Variants in SLBP observed in about 807,000 individuals in gnomAD.
SLBP encodes histone RNA hairpin-binding protein.
SLBP carries 29 observed loss-of-function variants against 39.2 expected under a neutral mutation model. That is an observed-to-expected ratio of 0.74 (90% confidence interval 0.55 to 1.01). The LOEUF (loss-of-function observed/expected upper bound fraction) is 1.01, where lower values mean the gene tolerates loss of function less well. Among genes scored for constraint, SLBP ranks in the 50% least tolerant of loss-of-function variants. The probability of loss-of-function intolerance (pLI) is 0.00; values close to 1 mark genes in which losing one functional copy is unlikely to be tolerated. For synonymous variants in SLBP, 129 were observed against 118.7 expected (o/e 1.09, Z -0.57); for missense variants, 390 against 350.2 (o/e 1.11, Z -0.91).
intron 2 of SLBP, among the ~76,000 whole-genome samples, chr4:1,709,747 G>T (rs914042594): frequency 1.3e-5 from 2 of 152,124 alleles, no homozygotes; most frequent in African/African-American, 4.8e-5. Flanking sequence ...GAGTAGCTGG[G>T]ACTACAGGCG....
At chr4:1,702,587 T>C (rs1467688998) in intron 3 of SLBP, among the ~76,000 whole-genome samples, 1 of 152,222 alleles carries the variant, frequency 6.6e-6, no homozygotes, top group Non-Finnish European at 1.5e-5. Flanking sequence ...TTAACTGGGT[T>C]TGAATAAACC....
rs183657155 is a variant in SLBP, at chr4:1,708,462, T to C, written c.176+3412A>G. Among the ~76,000 whole-genome samples the C allele has an allele frequency of 2.6e-5, 4 of 152,318 alleles. No homozygotes were observed. In the East Asian group the frequency reaches 7.7e-4, roughly 29 times the overall value. On this transcript the variant is annotated intron_variant, in intron 2 of 7. Coordinates refer to ENST00000489418, the MANE Select transcript of SLBP (RefSeq NM_006527.4). Reference sequence around the variant, plus strand: ...TCCAGATTCTAAAAATGGTAGAAAGTTATGAAATCAAATTAGGTAATTAAC... The same window carrying C: ...TCCAGATTCTAAAAATGGTAGAAAGCTATGAAATCAAATTAGGTAATTAAC...
chr4:1,693,597 T>TGAGCTAAC lies in SLBP; in HGVS notation c.812_813insGTTAGCTC (p.Ter271=). On this transcript the variant is annotated frameshift_variant and stop_retained_variant, in exon 8 of 8. Coordinates refer to ENST00000489418, the MANE Select transcript of SLBP (RefSeq NM_006527.4). LOFTEE classifies it high-confidence loss of function. ...TCTCTTCCTGGCCGCCAGGGGGCAG[T>TGAGCTAAC]TAGCTCATGGCTGAGAAGTCTCTCA... 6.3e-7 allele frequency: 1 copy of TGAGCTAAC among 1,598,372 alleles called. No homozygotes were observed. Among genetic ancestry groups the TGAGCTAAC allele is most frequent in the Non-Finnish European group, 8.6e-7 (1 of 1,165,708 alleles).
Position 1,705,834 on chromosome 4 carries a change from T to C in SLBP, c.177-2134A>G, listed in dbSNP as rs1716497008. 1.3e-5 allele frequency among the ~76,000 whole-genome samples: 2 copies of C among 152,086 alleles called. 1 individual carries two copies. Among genetic ancestry groups the C allele is most frequent in the South Asian group, 4.1e-4 (2 of 4,830 alleles). On this transcript the variant is annotated intron_variant, in intron 2 of 7. Coordinates refer to ENST00000489418, the MANE Select transcript of SLBP (RefSeq NM_006527.4). ...GTTGGAACGTCATCTCCAAAATAAATAAATACCCAAGCATGGTGGGGCGTG... is the reference window on the plus strand; with the variant it reads ...GTTGGAACGTCATCTCCAAAATAAACAAATACCCAAGCATGGTGGGGCGTG...
At chr4:1,711,821 C>G in intron 2 of SLBP, 53 bp downstream of exon 2, 1 of 992,358 alleles carries the variant, frequency 1.0e-6, no homozygotes, top group Non-Finnish European at 1.3e-6. Flanking sequence ...CCCTGGAGCC[C>G]GCGGCCTCGT....
At chr4:1,703,949 C>A (rs1404797134) in intron 2 of SLBP, among the ~76,000 whole-genome samples, 1 of 152,108 alleles carries the variant, frequency 6.6e-6, no homozygotes, top group Non-Finnish European at 1.5e-5. Flanking sequence ...CTATGTGTAT[C>A]AAACCATACT....
chr4:1,711,176 TCCCATCCCCAA>T (rs1716753697), intron 2 of SLBP, among the ~76,000 whole-genome samples: 1 of 146,332 alleles, frequency 6.8e-6, no homozygotes, highest in East Asian at 2.0e-4. Flanking sequence ...CTTTCACGCC[TCCCATCCCCAA>T]CCCATCAGCA....
rs756101521 is a variant in SLBP, at chr4:1,703,611, T to C, written c.266A>G (p.Asn89Ser). 8 of 1,610,856 alleles carry C rather than the reference T, an allele frequency of 5.0e-6. No individual in the cohort carries two copies. The Admixed American group carries it at 8.3e-5, about 17-fold the overall frequency. Residue 89 changes from asparagine to serine, a missense_variant, in exon 3 of 8, where the codon AAC becomes AGC. By Grantham distance (46) the Asn-to-Ser change is conservative (BLOSUM62 1). Coordinates refer to ENST00000489418, the MANE Select transcript of SLBP (RefSeq NM_006527.4). ...AAATGTGTACCTTGCCATTTCTTTGTTAACTCTGGTCCTCATTTCATCTTC... is the reference window on the plus strand; with the variant it reads ...AAATGTGTACCTTGCCATTTCTTTGCTAACTCTGGTCCTCATTTCATCTTC... ...VEEDEMRTRV[N>S]KEMARYKRKL...
intron 3 of SLBP, among the ~76,000 whole-genome samples, chr4:1,701,150 T>TTC (rs1553819364): frequency 6.8e-6 from 1 of 147,258 alleles, no homozygotes; most frequent in East Asian, 2.0e-4. Context: ...TTTTTTCTTT[T>TTC]TTTTTTTTTT....
chr4:1,712,259 G>C lies in SLBP; in HGVS notation c.-71C>G. 2 of 984,930 alleles carry C rather than the reference G, an allele frequency of 2.0e-6. No homozygotes were observed. The highest frequency in any genetic ancestry group is 2.7e-6 in the Non-Finnish European group (2 of 739,280). 61.0% of individuals were successfully genotyped at this position (984,930 alleles called of 1,614,324 possible). A position where few individuals can be genotyped will look rare whatever the true frequency, so the allele number is the denominator to read the frequency against. Reference sequence around the variant, plus strand: ...CGGCGGCGCGGGCAGAGAGCGCAGAGTAGAGCAGGGCAGGGCCTGAGGCAG... The same window carrying C: ...CGGCGGCGCGGGCAGAGAGCGCAGACTAGAGCAGGGCAGGGCCTGAGGCAG... On this transcript the variant is annotated 5_prime_UTR_variant, in exon 1 of 8. Coordinates refer to ENST00000489418, the MANE Select transcript of SLBP (RefSeq NM_006527.4).
chr4:1,703,532 T>C (rs916724864), intron 3 of SLBP, 64 bp downstream of exon 3: 3 of 1,014,388 alleles, frequency 3.0e-6, no homozygotes, highest in South Asian at 1.3e-5. Flanking sequence ...AAGACAAATA[T>C]CAAATTTAAT....
chr4:1,706,316 C>T (rs1716514144), intron 2 of SLBP, among the ~76,000 whole-genome samples: 1 of 152,080 alleles, frequency 6.6e-6, no homozygotes, highest in Admixed American at 6.6e-5. Flanking sequence ...CTAGCATATC[C>T]ATTTACCTTT....
At chr4:1,694,408 T>C (rs1716030286) in intron 7 of SLBP, among the ~76,000 whole-genome samples, 1 of 148,366 alleles carries the variant, frequency 6.7e-6, no homozygotes, top group Non-Finnish European at 1.5e-5. Flanking sequence ...TTTTTTTTTT[T>C]TGAGACAGAG....
intron 2 of SLBP, among the ~76,000 whole-genome samples, chr4:1,711,133 G>C (rs987814902): frequency 6.8e-6 from 1 of 148,098 alleles, no homozygotes; most frequent in Admixed American, 6.8e-5. Context: ...TTTCCTTTTG[G>C]CACAGTGAAG....
intron 2 of SLBP, among the ~76,000 whole-genome samples, chr4:1,704,972 G>A (rs1716465981): frequency 6.6e-6 from 1 of 150,938 alleles, no homozygotes; most frequent in African/African-American, 2.4e-5. Flanking sequence ...TTGTTGCCAA[G>A]ACTGCAGTGC....
At chr4:1,704,674 A>G (rs753483915) in intron 2 of SLBP, among the ~76,000 whole-genome samples, 2 of 152,088 alleles carry the variant, frequency 1.3e-5, no homozygotes, top group Non-Finnish European at 2.9e-5. Flanking sequence ...TCGCTGTCAT[A>G]CTGAGAAGGC....
At chr4:1,702,882 T>C (rs1048687952) in intron 3 of SLBP, among the ~76,000 whole-genome samples, 2 of 152,134 alleles carry the variant, frequency 1.3e-5, no homozygotes, top group East Asian at 1.9e-4. Context: ...GAGAGAGCAC[T>C]CCATCTACTG....
In SLBP at chr4:1,699,664, C is replaced by T. The variant is rs771165121; in HGVS notation, c.379G>A (p.Asp127Asn). The T allele has an allele frequency of 2.5e-6, 4 of 1,613,700 alleles. No homozygotes were observed. In the African/African-American group the frequency reaches 5.3e-5, roughly 22 times the overall value. ...SKESMSTVPADFETDESVLMR... is the reference protein window; with the variant it reads ...SKESMSTVPANFETDESVLMR... Reference sequence around the variant, plus strand: ...AGGACACTTTCATCTGTCTCAAAGTCAGCCGGCACAGTAGACATAGACTCC... The same window carrying T: ...AGGACACTTTCATCTGTCTCAAAGTTAGCCGGCACAGTAGACATAGACTCC... The change falls in exon 5 of 8, where the codon GAC becomes AAC. Residue 127 changes from aspartate (D) to asparagine (N), a missense_variant. Transcript: ENST00000489418.
chr4:1,700,168 C>A, intron 3 of SLBP, 98 bp from the exon 4 acceptor site: 2 of 692,796 alleles, frequency 2.9e-6, no homozygotes, highest in Non-Finnish European at 4.8e-6. Context: ...GGCACACCAT[C>A]CTATGCAATC....
Sources: gnomAD v4.1 joint callset for allele counts (sites outside exome capture counted in the v4.1 genomes callset) on GRCh38, gnomAD v4.1.1 for gene constraint, MANE v1.5 for transcripts, NCBI Gene and HGNC (gene_info 2026-07-23, HGNC 2026-07-21) for gene names.